Variants in ACOT7 observed in about 807,000 individuals in gnomAD.
The protein encoded by ACOT7 is acyl-CoA thioesterase 7.
In ACOT7, 12 loss-of-function variants were observed where a neutral mutation model predicts 40.2. The observed-to-expected ratio is 0.30, with a 90% CI of 0.19 to 0.48. ACOT7 has a LOEUF of 0.48. ACOT7 is among the 20% of genes least tolerant of loss of function. ACOT7 has a pLI of 0.99. For synonymous variants in ACOT7, 228 were observed against 219.5 expected, an observed-to-expected ratio of 1.04 and a Z score of -0.34; for missense variants, 395 against 530.8, an observed-to-expected ratio of 0.74 and a Z score of 2.51.
At chr1:6,381,140 G>A (rs1642325809) in intron 1 of ACOT7, among the ~76,000 whole-genome samples, 1 of 151,584 alleles carries the variant, frequency 6.6e-6, no homozygotes, top group African/African-American at 2.4e-5. Context: ...AAATGGACAC[G>A]GACTTTCTCA....
rs1303437894 is a variant in ACOT7, at chr1:6,373,439, T to G, written c.143+19818A>C. ...TAATTTTTTATATTTTTAGTAGAGA[T>G]GGGGTTTCGCCATGTTGGCCAGGCT... On this transcript the variant is annotated intron_variant, in intron 1 of 8. Transcript: ENST00000361521. Among the ~76,000 whole-genome samples, 3 of 151,992 alleles carry G rather than the reference T, an allele frequency of 2.0e-5. No individual in the cohort carries two copies. The South Asian group carries it at 6.2e-4, about 31-fold the overall frequency.
intron 1 of ACOT7, chr1:6,360,700 T>C (rs1196824989): frequency 6.2e-7 from 1 of 1,613,568 alleles, no homozygotes; most frequent in African/African-American, 1.3e-5. Context: ...TGCAGCCAAA[T>C]GGAACTCAAG....
At chr1:6,387,814 G>C (rs892155111) in intron 1 of ACOT7, among the ~76,000 whole-genome samples, 5 of 152,190 alleles carry the variant, frequency 3.3e-5, no homozygotes, top group African/African-American at 1.2e-4. Context: ...GGGTTACAAA[G>C]ACTGCATCTT....
intron 1 of ACOT7, among the ~76,000 whole-genome samples, chr1:6,381,459 T>C (rs994064477): frequency 2.0e-5 from 3 of 151,442 alleles, no homozygotes; most frequent in Non-Finnish European, 2.9e-5. Context: ...ATTAGGGAAA[T>C]GCAAAGCAAA....
chr1:6,371,766 AG>A (rs1302114214), intron 1 of ACOT7, among the ~76,000 whole-genome samples: 1 of 151,952 alleles, frequency 6.6e-6, no homozygotes, highest in Non-Finnish European at 1.5e-5. Context: ...AAACCTAGGC[AG>A]GGCATAGGGG....
chr1:6,265,151 AG>A (rs1638783023), intron 8 of ACOT7, among the ~76,000 whole-genome samples: 3 of 152,210 alleles, frequency 2.0e-5, no homozygotes, highest in Admixed American at 2.0e-4. Context: ...GGAAGTGGAA[AG>A]GAAGAGGGAC....
intron 8 of ACOT7, among the ~76,000 whole-genome samples, chr1:6,270,710 G>A (rs1471293961): frequency 1.3e-5 from 2 of 152,186 alleles, no homozygotes; most frequent in Admixed American, 6.5e-5. Flanking sequence ...GTGCACGTGA[G>A]CTCCTACGTG....
Position 6,359,197 on chromosome 1 carries a change from C to T in ACOT7, c.144-9331G>A. The T allele has an allele frequency of 8.8e-6, 2 of 227,590 alleles. No individual in the cohort carries two copies. The highest frequency in any genetic ancestry group is 6.4e-5 in the South Asian group (1 of 15,550). 14.1% of individuals were successfully genotyped at this position (227,590 alleles called of 1,614,324 possible). ...GGCTATGAGGCTCTGCCTTCTCTGA[C>T]AGGGCACAAGACCCCCTAGTCTTTC... On this transcript the variant is annotated intron_variant, in intron 1 of 8. Coordinates refer to ENST00000361521, the MANE Select transcript of ACOT7 (RefSeq NM_007274.4). The surrounding 1 kb of genome is among the most constrained non-coding windows in gnomAD (Gnocchi z 4.1).
At chr1:6,293,586 G>A (rs1639731140) in intron 7 of ACOT7, among the ~76,000 whole-genome samples, 1 of 152,172 alleles carries the variant, frequency 6.6e-6, no homozygotes, top group African/African-American at 2.4e-5. Flanking sequence ...CTGTAGTCCT[G>A]GCTACCTGGG....
intron 7 of ACOT7, among the ~76,000 whole-genome samples, chr1:6,290,905 C>G (rs1318040499): frequency 1.3e-5 from 2 of 152,150 alleles, no homozygotes; most frequent in Non-Finnish European, 2.9e-5. Flanking sequence ...AGTGGGGGGC[C>G]CCTGGGGGAC....
intron 1 of ACOT7, among the ~76,000 whole-genome samples, chr1:6,382,073 G>C (rs1642347240): frequency 6.6e-6 from 1 of 151,006 alleles, no homozygotes; most frequent in African/African-American, 2.4e-5. Context: ...GGGAGGCGGA[G>C]CTTGCAGTGA....
intron 7 of ACOT7, among the ~76,000 whole-genome samples, chr1:6,293,842 A>G (rs1366198920): frequency 6.6e-6 from 1 of 152,228 alleles, no homozygotes; most frequent in Non-Finnish European, 1.5e-5. Flanking sequence ...GCCCTCCACC[A>G]TTCCAATCTT....
At chr1:6,268,215 G>A (rs914351033) in intron 8 of ACOT7, among the ~76,000 whole-genome samples, 1 of 152,160 alleles carries the variant, frequency 6.6e-6, no homozygotes, top group African/African-American at 2.4e-5. Flanking sequence ...CTGGAAGTGG[G>A]TGAACAGAAC....
rs1571278640 is a variant in ACOT7 at position 6,294,250 on chromosome 1, G to C, written c.829+614C>G. The stretch of plus-strand genomic sequence containing the variant: ...CTTCACTGTACTTCTGCAGAGAGCA[G>C]TCACATAAGACAAGCATGGTGACCT... On this transcript the variant is annotated intron_variant, in intron 7 of 8. Coordinates refer to ENST00000361521, the MANE Select transcript of ACOT7 (RefSeq NM_007274.4). The surrounding 1 kb of genome is among the most constrained non-coding windows in gnomAD (Gnocchi z 4.6). Among the ~76,000 whole-genome samples, 1 of 152,370 alleles carries C rather than the reference G, an allele frequency of 6.6e-6. No individual in the cohort carries two copies. The highest frequency in any genetic ancestry group is 1.9e-4 in the East Asian group (1 of 5,184).
intron 2 of ACOT7, among the ~76,000 whole-genome samples, chr1:6,342,424 A>G (rs1641302584): frequency 6.6e-6 from 1 of 152,044 alleles, no homozygotes; most frequent in Non-Finnish European, 1.5e-5. Context: ...TATCCTTTCC[A>G]GTGACTTCCT....
At chr1:6,273,740 C>G (rs1476955157) in intron 8 of ACOT7, among the ~76,000 whole-genome samples, 1 of 152,282 alleles carries the variant, frequency 6.6e-6, no homozygotes. Context: ...AGAGCCCGCA[C>G]ACGGGCGCAG....
intron 1 of ACOT7, among the ~76,000 whole-genome samples, chr1:6,367,385 A>T (rs1642033720): frequency 6.6e-6 from 1 of 152,020 alleles, no homozygotes; most frequent in South Asian, 2.1e-4. Context: ...TATTCCACCC[A>T]CTCAGCCTGG....
chr1:6,264,784 A>G (rs1180321534), intron 8 of ACOT7, 89 bp from the exon 9 acceptor site: 18 of 1,381,540 alleles, frequency 1.3e-5, no homozygotes, highest in Non-Finnish European at 1.7e-5. Flanking sequence ...CCTGCCCCCC[A>G]CCCGTGGGAT....
intron 2 of ACOT7, among the ~76,000 whole-genome samples, chr1:6,340,473 A>T (rs537401137): frequency 6.6e-6 from 1 of 152,350 alleles, no homozygotes; most frequent in African/African-American, 2.4e-5. Context: ...AAAATTTGGG[A>T]AATACAGAAA....
Sources: gnomAD v4.1 joint callset for allele counts (sites outside exome capture counted in the v4.1 genomes callset) on GRCh38, gnomAD v4.1.1 for gene constraint, Gnocchi (gnomAD v3.1) non-coding constraint, MANE v1.5 for transcripts, NCBI Gene and HGNC (gene_info 2026-07-23, HGNC 2026-07-21) for gene names.